PKD2: variants seen among roughly 807,000 people sequenced by gnomAD.
PKD2 encodes the protein polycystin-2.
A neutral mutation model predicts 105.9 loss-of-function variants in PKD2; 48 were observed. That is an observed-to-expected ratio of 0.45 (90% CI 0.36 to 0.58). PKD2 has a LOEUF of 0.58. Among genes scored for constraint, PKD2 ranks in the 20% least tolerant of loss-of-function variants. The probability of loss-of-function intolerance (pLI) is 0.00; values close to 1 mark genes in which losing one functional copy is unlikely to be tolerated. For synonymous variants in PKD2, 464 were observed against 481.1 expected (o/e 0.96, Z 0.46); for missense variants, 1,078 against 1,255.3 (o/e 0.86, Z 2.13).
chr4:88,007,856 C>G lies in PKD2; in HGVS notation c.123C>G (p.Ala41=). Residue 41 remains alanine, a synonymous_variant, in exon 1 of 15, where the codon GCC becomes GCG. Coordinates refer to ENST00000237596, the MANE Select transcript of PKD2 (RefSeq NM_000297.4). ...GCGCGGCCGTGGGCGCCAGCCTCGC[C>G]GCCCCGGGCGGCCTCTGCGAGCAGC... The part of the protein sequence containing the change: ...AGCAAVGASL[A]APGGLCEQRG... 1 of 1,226,382 alleles carries G rather than the reference C, an allele frequency of 8.2e-7. No homozygotes were observed. The highest frequency in any genetic ancestry group is 1.0e-6 in the Non-Finnish European group (1 of 985,144). The allele number at this position is 1,226,382 out of a possible 1,614,324, so 76.0% of individuals were successfully genotyped here.
rs150126508 is a variant in PKD2 at position 88,075,331 on chromosome 4, A to G, written c.2671-127A>G. On this transcript the variant is annotated intron_variant, in intron 14 of 14. Transcript: ENST00000237596. ...AATTAAGTGAAAAATTACTCCAGCAACTCTGAGATTTGCTATTATATGCTG... is the reference window on the plus strand; with the variant it reads ...AATTAAGTGAAAAATTACTCCAGCAGCTCTGAGATTTGCTATTATATGCTG... The G allele has an allele frequency of 1.9e-5, 16 of 827,174 alleles. No individual in the cohort carries two copies. In the East Asian group the frequency reaches 3.1e-4, roughly 16 times the overall value. The allele number at this position is 827,174 out of a possible 1,614,324, so 51.2% of individuals were successfully genotyped here. A position where few individuals can be genotyped will look rare whatever the true frequency, so the allele number is the denominator to read the frequency against.
chr4:88,067,191 T>C (rs149754399), intron 12 of PKD2, among the ~76,000 whole-genome samples: 1 of 152,310 alleles, frequency 6.6e-6, no homozygotes, highest in Non-Finnish European at 1.5e-5. Context: ...AAGGAAATGC[T>C]GTCATTGGAG....
At chr4:88,015,205 C>G (rs568247494) in intron 1 of PKD2, among the ~76,000 whole-genome samples, 25 of 152,274 alleles carry the variant, frequency 1.6e-4, no homozygotes, top group African/African-American at 6.0e-4. Flanking sequence ...GGTCCATGGC[C>G]TGTTAGGAAC....
chr4:88,015,702 G>A (rs1164847746), intron 1 of PKD2, among the ~76,000 whole-genome samples: 3 of 152,368 alleles, frequency 2.0e-5, no homozygotes, highest in African/African-American at 4.8e-5. Context: ...GATTACAGGC[G>A]TGAGCCAGTG....
At chr4:88,024,123 G>A (rs1726863104) in intron 2 of PKD2, among the ~76,000 whole-genome samples, 1 of 152,132 alleles carries the variant, frequency 6.6e-6, no homozygotes, top group South Asian at 2.1e-4. Context: ...TGAGTTAGGT[G>A]TTGAAGTTCA....
At chr4:88,042,686 A>G (rs560874774) in intron 4 of PKD2, among the ~76,000 whole-genome samples, 1 of 152,118 alleles carries the variant, frequency 6.6e-6, no homozygotes, top group Non-Finnish European at 1.5e-5. Context: ...TTACTTGTTT[A>G]ATTATAACTC....
chr4:88,011,061 G>A (rs1578113323), intron 1 of PKD2, among the ~76,000 whole-genome samples: 1 of 152,348 alleles, frequency 6.6e-6, no homozygotes, highest in East Asian at 1.9e-4. Flanking sequence ...AAGAAGACCT[G>A]TGGGAGGCAG....
chr4:88,007,665 C>T lies in PKD2; in HGVS notation c.-69C>T. 9.7e-7 allele frequency: 1 copy of T among 1,031,220 alleles called. No individual in the cohort carries two copies. The highest frequency in any genetic ancestry group is 1.2e-6 in the Non-Finnish European group (1 of 848,096). The allele number at this position is 1,031,220 out of a possible 1,614,324, so 63.9% of individuals were successfully genotyped here. A position where few individuals can be genotyped will look rare whatever the true frequency, so the allele number is the denominator to read the frequency against. On this transcript the variant is annotated 5_prime_UTR_variant, in exon 1 of 15. Coordinates refer to ENST00000237596, the MANE Select transcript of PKD2 (RefSeq NM_000297.4). ...GCGGCGGGCGCCGGGAAGAAAGGAA[C>T]ATGGCTCCTGAGGCGCACAGCGCCG...
chr4:88,066,796 G>A (rs1035804741), intron 12 of PKD2, among the ~76,000 whole-genome samples: 2 of 152,092 alleles, frequency 1.3e-5, no homozygotes, highest in African/African-American at 2.4e-5. Context: ...AAAATAAATG[G>A]TTAGACAGCA....
At chr4:88,068,550 G>T (rs1385070638) in intron 13 of PKD2, among the ~76,000 whole-genome samples, 2 of 151,938 alleles carry the variant, frequency 1.3e-5, no homozygotes, top group Admixed American at 6.6e-5. Flanking sequence ...AAGAGCAAAA[G>T]AAAACATTAA....
At chr4:88,038,217 G>C (rs758310194) in intron 3 of PKD2, 34 bp from the exon 4 acceptor site, 16 of 1,612,798 alleles carry the variant, frequency 9.9e-6, no homozygotes, top group Middle Eastern at 1.6e-4. Flanking sequence ...GGCTGAGCTT[G>C]GAACTTTTTC....
chr4:88,037,133 A>G (rs1388952434), intron 3 of PKD2, among the ~76,000 whole-genome samples: 1 of 152,158 alleles, frequency 6.6e-6, no homozygotes, highest in Non-Finnish European at 1.5e-5. Flanking sequence ...CAGGAGGCTG[A>G]GGTGGGAGAA....
rs563149377 is a variant in PKD2, at chr4:88,059,972, A to G, written c.2019+1869A>G. On this transcript the variant is annotated intron_variant, in intron 9 of 14. Transcript: ENST00000237596. ...CAGGATAACCCCACTCTTCCCCCAC[A>G]TCAACAGGAAAGACATCCTGGTGCA... Among the ~76,000 whole-genome samples the G allele has an allele frequency of 8.5e-5, 13 of 152,276 alleles. No individual in the cohort carries two copies. The East Asian group carries it at 1.7e-3, about 20-fold the overall frequency.
chr4:88,070,383 C>T (rs771203652), intron 13 of PKD2, among the ~76,000 whole-genome samples: 4 of 151,748 alleles, frequency 2.6e-5, no homozygotes, highest in African/African-American at 4.8e-5. Flanking sequence ...TTGGGACCCG[C>T]ATTATGCATA....
intron 7 of PKD2, 78 bp from the exon 8 acceptor site, chr4:88,056,008 A>T: frequency 1.1e-6 from 1 of 943,282 alleles, no homozygotes. Context: ...TCTTTTCAGG[A>T]TGAAATAATG....
intron 13 of PKD2, among the ~76,000 whole-genome samples, chr4:88,070,694 G>A (rs1721001050): frequency 6.6e-6 from 1 of 150,692 alleles, no homozygotes; most frequent in African/African-American, 2.4e-5. Context: ...GTACAGTGGT[G>A]TAATCATGGC....
chr4:88,064,773 C>T (rs1720725756), intron 10 of PKD2, among the ~76,000 whole-genome samples: 2 of 151,808 alleles, frequency 1.3e-5, no homozygotes, highest in Non-Finnish European at 2.9e-5. Flanking sequence ...ACCTGTAGTC[C>T]CAGCTACTTG....
rs76303519 is a variant in PKD2, at chr4:88,031,292, T to C, written c.710-4928T>C. On this transcript the variant is annotated intron_variant, in intron 2 of 14. Transcript: ENST00000237596. ...GTATATTAAATGCATTTTCAACTTATGATATTTTCAATTTACAATGAGTTT... is the reference window on the plus strand; with the variant it reads ...GTATATTAAATGCATTTTCAACTTACGATATTTTCAATTTACAATGAGTTT... Among the ~76,000 whole-genome samples, 920 of 152,378 alleles carry C rather than the reference T, an allele frequency of 6.0e-3. 13 individuals carry two copies. Among genetic ancestry groups the C allele is most frequent in the African/African-American group, 0.021 (861 of 41,596 alleles).
rs112968762 is a variant in PKD2 at position 88,074,168 on chromosome 4, T to C, written c.2523-644T>C. Among the ~76,000 whole-genome samples the C allele has an allele frequency of 9.3e-3, 1,415 of 152,262 alleles. 21 individuals carry two copies. Among genetic ancestry groups the C allele is most frequent in the African/African-American group, 0.032 (1,328 of 41,530 alleles). On this transcript the variant is annotated intron_variant, in intron 13 of 14. Transcript: ENST00000237596. ...TTGTTTGTTTGTTTTTGAGACTGGG[T>C]CTCACTCTGTCACCCAGGCTGGAGT...
Sources: gnomAD v4.1 joint callset for allele counts (sites outside exome capture counted in the v4.1 genomes callset) on GRCh38, gnomAD v4.1.1 for gene constraint, MANE v1.5 for transcripts, NCBI Gene and HGNC (gene_info 2026-07-23, HGNC 2026-07-21) for gene names.